DNAJC5G: variants seen among roughly 807,000 people sequenced by gnomAD.
DNAJC5G encodes the protein DnaJ heat shock protein family (Hsp40) member C5 gamma.
In DNAJC5G, 13 loss-of-function variants were observed where a neutral mutation model predicts 19.1. That is an observed-to-expected ratio of 0.68 (90% CI 0.44 to 1.08). The LOEUF (loss-of-function observed/expected upper bound fraction) is 1.08, where lower values mean the gene tolerates loss of function less well. DNAJC5G is among the 50% of genes least tolerant of loss of function. The probability of loss-of-function intolerance (pLI) is 0.00; values close to 1 mark genes in which losing one functional copy is unlikely to be tolerated. For synonymous variants in DNAJC5G, 81 were observed against 84.4 expected, an observed-to-expected ratio of 0.96 and a Z score of 0.22; for missense variants, 245 against 230.4, an observed-to-expected ratio of 1.06 and a Z score of -0.41.
At chr2:27,276,542 T>C (rs1678083745) in intron 2 of DNAJC5G, 155 bp downstream of exon 2, 2 of 551,250 alleles carry the variant, frequency 3.6e-6, no homozygotes, top group Non-Finnish European at 6.4e-6. Context: ...AATTGGAATC[T>C]TTCTGATCAC....
rs1558576132 is a variant in DNAJC5G at position 27,278,191 on chromosome 2, C to A, written c.379C>A (p.Leu127Ile). Residue 127 changes from leucine (L) to isoleucine (I), a missense_variant, in exon 5 of 7, where the codon CTT (leucine) becomes ATT (isoleucine). Leu to Ile is a conservative substitution (Grantham distance 5, BLOSUM62 2). Transcript: ENST00000296097. ...GCCATTCTCGCCTACCTTTTAGACACTTGTCATCCTGTGTACTCTGCTCAC... is the reference window on the plus strand; with the variant it reads ...GCCATTCTCGCCTACCTTTTAGACAATTGTCATCCTGTGTACTCTGCTCAC... ...FILNSCWFKTLVILCTLLTCC... is the reference protein window; with the variant it reads ...FILNSCWFKTIVILCTLLTCC... The A allele has an allele frequency of 6.2e-7, 1 of 1,614,170 alleles. No individual in the cohort carries two copies.
At position 27,277,930 on chromosome 2, in the gene DNAJC5G, A is replaced by T; in HGVS notation, c.290A>T (p.His97Leu). The T allele has an allele frequency of 6.8e-6, 11 of 1,614,216 alleles. No homozygotes were observed. Among genetic ancestry groups the T allele is most frequent in the Non-Finnish European group, 9.3e-6 (11 of 1,180,044 alleles). Residue 97 changes from histidine (H) to leucine (L), a missense_variant, in exon 4 of 7, where the codon CAT (histidine) becomes CTT (leucine). Physicochemically the swap from His to Leu is moderately conservative, Grantham distance 99. Coordinates refer to ENST00000296097, the MANE Select transcript of DNAJC5G (RefSeq NM_173650.3). Reference protein sequence around the residue: ...DSKKRKIYDQHGSLGIYLYDH... With the variant: ...DSKKRKIYDQLGSLGIYLYDH... Reference sequence around the variant, plus strand: ...AAGAAGCGGAAAATTTACGACCAGCATGGCTCATTGGGAATATATCTGTAT... The same window carrying T: ...AAGAAGCGGAAAATTTACGACCAGCTTGGCTCATTGGGAATATATCTGTAT...
At chr2:27,278,930 G>A (rs1204048187) in intron 5 of DNAJC5G, among the ~76,000 whole-genome samples, 12 of 150,468 alleles carry the variant, frequency 8.0e-5, no homozygotes, top group African/African-American at 2.4e-4. Context: ...GCTTGAACCC[G>A]GGAGACGGAA....
Position 27,276,921 on chromosome 2 carries a change from CTCTTTT to C in DNAJC5G, c.113+82_113+87del. The C allele has an allele frequency of 6.6e-6, 5 of 763,052 alleles. No individual in the cohort carries two copies. In the East Asian group the frequency reaches 1.3e-4, roughly 20 times the overall value. The allele number at this position is 763,052 out of a possible 1,614,324, so 47.3% of individuals were successfully genotyped here. On this transcript the variant is annotated intron_variant, in intron 3 of 6. Coordinates refer to ENST00000296097, the MANE Select transcript of DNAJC5G (RefSeq NM_173650.3). ...TTTCTGTATCTCTTTTGCTATCTGA[CTCTTTT>C]TTTTTTTTTTTTTTTTTGAGAGGAA...
At chr2:27,278,891 G>A (rs1252900663) in intron 5 of DNAJC5G, among the ~76,000 whole-genome samples, 2 of 150,462 alleles carry the variant, frequency 1.3e-5, no homozygotes, top group African/African-American at 4.9e-5. Flanking sequence ...TGTAACCCCA[G>A]CTACTTAGGA....
Position 27,277,879 on chromosome 2 carries a change from C to T in DNAJC5G, c.239C>T (p.Ala80Val). 5 of 1,614,200 alleles carry T rather than the reference C, an allele frequency of 3.1e-6. No individual in the cohort carries two copies. Among genetic ancestry groups the T allele is most frequent in the Non-Finnish European group, 2.5e-6 (3 of 1,180,046 alleles). Reference sequence around the variant, plus strand: ...GCAGAAATATTCAAAGAGATCAACGCAGCTCATGCCATACTGAGCGACTCT... The same window carrying T: ...GCAGAAATATTCAAAGAGATCAACGTAGCTCATGCCATACTGAGCGACTCT... The part of the protein sequence containing the change: ...QAAEIFKEIN[A>V]AHAILSDSKK... Residue 80 changes from alanine to valine, a missense_variant, in exon 4 of 7, where the codon GCA (alanine) becomes GTA (valine). Ala to Val is a moderately conservative substitution (Grantham distance 64). Transcript: ENST00000296097.
Position 27,280,238 on chromosome 2 carries a change from G to C in DNAJC5G, c.*18+5G>C, listed in dbSNP as rs1346354744. The C allele has an allele frequency of 6.2e-7, 1 of 1,613,048 alleles. No individual in the cohort carries two copies. Among genetic ancestry groups the C allele is most frequent in the South Asian group, 1.1e-5 (1 of 91,048 alleles). On this transcript the variant is annotated splice_donor_5th_base_variant and intron_variant, in intron 6 of 6. Transcript: ENST00000296097. ...TAAGAGATGAAGAAGGATGAGGTAT[G>C]TAAACCGAAAGGCAGCAACAGTTAT...
chr2:27,278,197 A>G lies in DNAJC5G; in HGVS notation c.385A>G (p.Ile129Val). Residue 129 changes from isoleucine (I) to valine (V), a missense_variant, in exon 5 of 7, where the codon ATC becomes GTC. Transcript: ENST00000296097. Reference protein sequence around the residue: ...LNSCWFKTLVILCTLLTCCCF... With the variant: ...LNSCWFKTLVVLCTLLTCCCF... Reference sequence around the variant, plus strand: ...CTCGCCTACCTTTTAGACACTTGTCATCCTGTGTACTCTGCTCACTTGTTG... The same window carrying G: ...CTCGCCTACCTTTTAGACACTTGTCGTCCTGTGTACTCTGCTCACTTGTTG... The G allele has an allele frequency of 1.2e-6, 2 of 1,614,192 alleles. No individual in the cohort carries two copies. Among genetic ancestry groups the G allele is most frequent in the East Asian group, 2.2e-5 (1 of 44,888 alleles).
chr2:27,278,092 G>A (rs533193936), intron 4 of DNAJC5G, 77 bp downstream of exon 4: 13 of 1,607,414 alleles, frequency 8.1e-6, no homozygotes, highest in Admixed American at 1.7e-5. Flanking sequence ...TGCTTCTGTT[G>A]TCTCATTTTC....
chr2:27,280,321 C>T, intron 6 of DNAJC5G, 88 bp downstream of exon 6: 1 of 1,106,178 alleles, frequency 9.0e-7, no homozygotes, highest in Non-Finnish European at 1.4e-6. Context: ...AAGTTTACAT[C>T]CTTATAGTAT....
At position 27,278,254 on chromosome 2, in the gene DNAJC5G, G is replaced by A; in HGVS notation, c.442G>A (p.Gly148Arg). ...CTGTTGTTGCTGCTGTTTTTGCTGTGGAGCACTTAAACCACCACCTGAGCA... is the reference window on the plus strand; with the variant it reads ...CTGTTGTTGCTGCTGTTTTTGCTGTAGAGCACTTAAACCACCACCTGAGCA... The part of the protein sequence containing the change: ...CFCCCCCFCC[G>R]ALKPPPEQDS... The change falls in exon 5 of 7, where the codon GGA (glycine) becomes AGA (arginine). Residue 148 changes from glycine (G) to arginine (R), a missense_variant. By Grantham distance (125) the Gly-to-Arg change is moderately radical. Transcript: ENST00000296097. 6.2e-7 allele frequency: 1 copy of A among 1,614,118 alleles called. No individual in the cohort carries two copies. The highest frequency in any genetic ancestry group is 8.5e-7 in the Non-Finnish European group (1 of 1,180,016).
In DNAJC5G at chr2:27,276,746, A is replaced by G. The variant is rs1355115162; in HGVS notation, c.18A>G (p.Glu6=). ...CTCAGATCATGTCTACTGTGAAGGA[A>G]GCAGCACACCGGCTGTCCAAAAGTG... MSTVK[E]AAHRLSKSEM... is the part of the protein sequence containing the mutation. Residue 6 remains glutamate, a synonymous_variant, in exon 3 of 7, where the codon GAA becomes GAG. Coordinates refer to ENST00000296097, the MANE Select transcript of DNAJC5G (RefSeq NM_173650.3). 1.2e-6 allele frequency: 2 copies of G among 1,613,996 alleles called. No homozygotes were observed. Among genetic ancestry groups the G allele is most frequent in the Middle Eastern group, 1.7e-4 (1 of 6,040 alleles).
In DNAJC5G at chr2:27,278,245, T is replaced by G; in HGVS notation, c.433T>G (p.Phe145Val). The change falls in exon 5 of 7, where the codon TTT (phenylalanine) becomes GTT (valine). Residue 145 changes from phenylalanine to valine, a missense_variant. Transcript: ENST00000296097. ...TTGCTGTTTCTGTTGTTGCTGCTGTTTTTGCTGTGGAGCACTTAAACCACC... is the reference window on the plus strand; with the variant it reads ...TTGCTGTTTCTGTTGTTGCTGCTGTGTTTGCTGTGGAGCACTTAAACCACC... ...TCCCFCCCCC[F>V]CCGALKPPPE... 6.2e-7 allele frequency: 1 copy of G among 1,614,190 alleles called. No individual in the cohort carries two copies. Among genetic ancestry groups the G allele is most frequent in the Non-Finnish European group, 8.5e-7 (1 of 1,180,032 alleles).
intron 2 of DNAJC5G, 62 bp from the exon 3 acceptor site, chr2:27,276,664 T>G (rs1386437734): frequency 1.4e-6 from 2 of 1,475,822 alleles, no homozygotes; most frequent in Non-Finnish European, 1.9e-6. Flanking sequence ...TCACTGGAAG[T>G]GCACTTCTCG....
At chr2:27,279,105 G>A (rs1456059255) in intron 5 of DNAJC5G, among the ~76,000 whole-genome samples, 8 of 151,670 alleles carry the variant, frequency 5.3e-5, no homozygotes. Flanking sequence ...AAGTCTTCAA[G>A]TCTGGCACTG....
intron 5 of DNAJC5G, among the ~76,000 whole-genome samples, chr2:27,279,004 CAA>C (rs1227842823): frequency 3.5e-4 from 20 of 56,816 alleles, no homozygotes; most frequent in Non-Finnish European, 4.1e-4. Context: ...GACTCCATCT[CAA>C]AAAAAAAAAA....
intron 5 of DNAJC5G, among the ~76,000 whole-genome samples, chr2:27,279,763 A>G (rs974891393): frequency 6.6e-6 from 1 of 151,916 alleles, no homozygotes; most frequent in African/African-American, 2.4e-5. Context: ...AAAAAAAAAA[A>G]AATACAGAAG....
At position 27,281,198 on chromosome 2, in the gene DNAJC5G, A is replaced by G. The variant is rs186708935; in HGVS notation, c.*788A>G. Reference sequence around the variant, plus strand: ...TCCTTTTCACATATTATGCAGGCCAATTGACATATAATTTGTTCTTAAAAA... The same window carrying G: ...TCCTTTTCACATATTATGCAGGCCAGTTGACATATAATTTGTTCTTAAAAA... On this transcript the variant is annotated 3_prime_UTR_variant, in exon 7 of 7. Transcript: ENST00000296097. 1.4e-4 allele frequency: 21 copies of G among 152,464 alleles called. No homozygotes were observed. The highest frequency in any genetic ancestry group is 5.1e-4 in the African/African-American group (21 of 41,566). The allele number at this position is 152,464 out of a possible 1,614,324, so 9.4% of individuals were successfully genotyped here.
Position 27,276,807 on chromosome 2 carries a change from G to T in DNAJC5G, c.79G>T (p.Gly27Cys), listed in dbSNP as rs61754191. ...SLYAVLDLKK[G>C]ASPEDFKKSY... ...CTATGCAGTGCTGGATCTTAAGAAG[G>T]GCGCCTCACCTGAAGACTTCAAAAA... The change falls in exon 3 of 7, where the codon GGC becomes TGC. Residue 27 changes from glycine to cysteine, a missense_variant. Gly to Cys is a radical substitution (Grantham distance 159, BLOSUM62 -3). Transcript: ENST00000296097. 6.2e-7 allele frequency: 1 copy of T among 1,613,968 alleles called. No individual in the cohort carries two copies. The highest frequency in any genetic ancestry group is 2.2e-5 in the East Asian group (1 of 44,876).
Sources: allele counts gnomAD v4.1 joint callset (sites outside exome capture counted in the v4.1 genomes callset), GRCh38; gene constraint gnomAD v4.1.1; transcripts MANE v1.5; gene names NCBI Gene and HGNC (gene_info 2026-07-23, HGNC 2026-07-21).